PCDHGB4: variants seen among roughly 807,000 people sequenced by gnomAD.
The protein encoded by PCDHGB4 is protocadherin gamma-B4.
Under a neutral mutation model 60.5 loss-of-function variants are expected in PCDHGB4, and 38 were observed. The observed-to-expected ratio is 0.63, with a 90% CI of 0.48 to 0.82. The LOEUF is 0.82. Ranked by LOEUF, PCDHGB4 falls within the 40% of genes least tolerant of loss-of-function variation. PCDHGB4 has a pLI of 0.00. For synonymous variants in PCDHGB4, 456 were observed against 509.7 expected (o/e 0.89, Z 1.42); for missense variants, 1,109 against 1,209.6 (o/e 0.92, Z 1.23).
In PCDHGB4 at chr5:141,485,178, T is replaced by A; in HGVS notation, c.2398-9629T>A. The stretch of plus-strand genomic sequence containing the variant: ...GAGAATTAGCGGGCGGCAGCAATGC[T>A]CCGCAAGGTGAGAAGCTGGACAGAA... On this transcript the variant is annotated intron_variant, in intron 1 of 3. Transcript: ENST00000519479. This position sits in a 1 kb window ranked among gnomAD's most constrained non-coding sequence, Gnocchi z 5.7. 1.2e-6 allele frequency: 2 copies of A among 1,612,400 alleles called. No homozygotes were observed. Among genetic ancestry groups the A allele is most frequent in the Non-Finnish European group, 1.7e-6 (2 of 1,178,628 alleles).
chr5:141,440,693 C>T (rs2098194597), intron 1 of PCDHGB4: 1 of 152,136 alleles, frequency 6.6e-6, no homozygotes, highest in Non-Finnish European at 1.5e-5. Context: ...GTAAAAGTGA[C>T]CAACAGTGGA....
At position 141,486,996 on chromosome 5, in the gene PCDHGB4, A is replaced by G; in HGVS notation, c.2398-7811A>G. ...TCAGGTTACAATGCTTGGGTTTCCT[A>G]TCAGCTCCTGGAGGCCCCAGATCCC... On this transcript the variant is annotated intron_variant, in intron 1 of 3. Coordinates refer to ENST00000519479, the MANE Select transcript of PCDHGB4 (RefSeq NM_003736.4). This position sits in a 1 kb window ranked among gnomAD's most constrained non-coding sequence, Gnocchi z 5.0. 6.2e-7 allele frequency: 1 copy of G among 1,614,152 alleles called. No individual in the cohort carries two copies. Among genetic ancestry groups the G allele is most frequent in the Non-Finnish European group, 8.5e-7 (1 of 1,180,032 alleles).
In PCDHGB4 at chr5:141,477,211, C is replaced by T. The variant is rs1282763530; in HGVS notation, c.2398-17596C>T. On this transcript the variant is annotated intron_variant, in intron 1 of 3. Coordinates refer to ENST00000519479, the MANE Select transcript of PCDHGB4 (RefSeq NM_003736.4). The surrounding 1 kb of genome is among the most constrained non-coding windows in gnomAD (Gnocchi z 4.9). ...TGTACAGCCCAGTACCCGAGGATGC[C>T]CCTCTGGGGACTGTCATCGCTTTGC... 2 of 1,614,154 alleles carry T rather than the reference C, an allele frequency of 1.2e-6. No individual in the cohort carries two copies. Among genetic ancestry groups the T allele is most frequent in the East Asian group, 4.5e-5 (2 of 44,870 alleles).
At chr5:141,400,065 A>G (rs1012484805) in intron 1 of PCDHGB4, 3 of 1,613,758 alleles carry the variant, frequency 1.9e-6, no homozygotes, top group African/African-American at 1.3e-5. Flanking sequence ...GTGATGGTGG[A>G]CAGCCGCCAC....
At chr5:141,395,205 C>T (rs770683946) in intron 1 of PCDHGB4, 2 of 1,613,660 alleles carry the variant, frequency 1.2e-6, no homozygotes, top group Non-Finnish European at 1.7e-6. Flanking sequence ...CGTAGATTTT[C>T]ATGAATATAA....
At position 141,423,722 on chromosome 5, in the gene PCDHGB4, G is replaced by A. The variant is rs541297269; in HGVS notation, c.2397+33441G>A. Reference sequence around the variant, plus strand: ...CTTGGCACAAGTCTTTTAAGGAGATGTTTTTTGAGCCTGTTATGAAAACTG... The same window carrying A: ...CTTGGCACAAGTCTTTTAAGGAGATATTTTTTGAGCCTGTTATGAAAACTG... On this transcript the variant is annotated intron_variant, in intron 1 of 3. Coordinates refer to ENST00000519479, the MANE Select transcript of PCDHGB4 (RefSeq NM_003736.4). 5 of 954,184 alleles carry A rather than the reference G, an allele frequency of 5.2e-6. No individual in the cohort carries two copies. In the African/African-American group the frequency reaches 6.3e-5, roughly 12 times the overall value. The allele number at this position is 954,184 out of a possible 1,614,324, so 59.1% of individuals were successfully genotyped here.
At chr5:141,472,745 G>A (rs931198460) in intron 1 of PCDHGB4, among the ~76,000 whole-genome samples, 4 of 152,038 alleles carry the variant, frequency 2.6e-5, no homozygotes, top group African/African-American at 9.7e-5. Flanking sequence ...CAGCACTTTG[G>A]GAGGCGGAGG....
intron 1 of PCDHGB4, chr5:141,398,705 A>G (rs778909536): frequency 6.2e-7 from 1 of 1,613,874 alleles, no homozygotes; most frequent in Admixed American, 1.7e-5. Flanking sequence ...AAATACCCGG[A>G]ACTGGCACTG....
At position 141,431,389 on chromosome 5, in the gene PCDHGB4, G is replaced by A; in HGVS notation, c.2397+41108G>A. 2 of 1,613,876 alleles carry A rather than the reference G, an allele frequency of 1.2e-6. No individual in the cohort carries two copies. The highest frequency in any genetic ancestry group is 1.7e-6 in the Non-Finnish European group (2 of 1,180,040). ...GCGAAGAAAAGGCTGCTCACCACCT[G>A]GTCCTTACGGCCTCCGACGGGGGCG... On this transcript the variant is annotated intron_variant, in intron 1 of 3. Coordinates refer to ENST00000519479, the MANE Select transcript of PCDHGB4 (RefSeq NM_003736.4). This position sits in a 1 kb window ranked among gnomAD's most constrained non-coding sequence, Gnocchi z 4.8.
chr5:141,489,293 T>G lies in PCDHGB4; in HGVS notation c.2398-5514T>G. The G allele has an allele frequency of 6.3e-7, 1 of 1,579,940 alleles. No homozygotes were observed. Among genetic ancestry groups the G allele is most frequent in the Non-Finnish European group, 8.6e-7 (1 of 1,162,928 alleles). ...GCTGGGAAATGGCAAGTGCTGTGCA[T>G]GTTGTCCTTGTGCTGCTGGGGCTGG... On this transcript the variant is annotated intron_variant, in intron 1 of 3. Transcript: ENST00000519479. This position sits in a 1 kb window ranked among gnomAD's most constrained non-coding sequence, Gnocchi z 4.5.
chr5:141,439,667 C>T (rs149776177), intron 1 of PCDHGB4, among the ~76,000 whole-genome samples: 2,012 of 152,292 alleles, frequency 0.013, 16 homozygotes, highest in Middle Eastern at 0.034. Context: ...TCATGGAATG[C>T]AAATCCAAGA....
chr5:141,447,168 T>C (rs1027377060), intron 1 of PCDHGB4, among the ~76,000 whole-genome samples: 2 of 152,174 alleles, frequency 1.3e-5, no homozygotes, highest in Non-Finnish European at 2.9e-5. Context: ...AAGCGGGGTC[T>C]TGCTCTTGTC....
At chr5:141,420,625 T>C (rs1440415745) in intron 1 of PCDHGB4, among the ~76,000 whole-genome samples, 1 of 152,242 alleles carries the variant, frequency 6.6e-6, no homozygotes, top group Non-Finnish European at 1.5e-5. Flanking sequence ...CTTCATTTAC[T>C]CAATAAAGGA....
chr5:141,498,625 T>C (rs1327552423), intron 2 of PCDHGB4, among the ~76,000 whole-genome samples: 1 of 152,176 alleles, frequency 6.6e-6, no homozygotes, highest in Non-Finnish European at 1.5e-5. Context: ...TGGGTCACAC[T>C]GCCTAGACAG....
intron 1 of PCDHGB4, chr5:141,404,402 A>T: frequency 6.2e-7 from 1 of 1,613,850 alleles, no homozygotes; most frequent in Non-Finnish European, 8.5e-7. Context: ...TAGCAATGAG[A>T]ATTCTAGAGT....
intron 1 of PCDHGB4, among the ~76,000 whole-genome samples, chr5:141,482,079 C>A (rs2099551704): frequency 8.4e-6 from 1 of 119,308 alleles, no homozygotes; most frequent in African/African-American, 3.8e-5. Context: ...GAACAAAACT[C>A]ACTCCATCTC....
chr5:141,490,517 C>T lies in PCDHGB4; in HGVS notation c.2398-4290C>T. 6.2e-7 allele frequency: 1 copy of T among 1,613,972 alleles called. No homozygotes were observed. The highest frequency in any genetic ancestry group is 2.2e-5 in the East Asian group (1 of 44,854). ...TCCCACTATATCATCGAGCTGCTGG[C>T]CAGCGATGCTGGTTCACCTTCCCTA... On this transcript the variant is annotated intron_variant, in intron 1 of 3. Coordinates refer to ENST00000519479, the MANE Select transcript of PCDHGB4 (RefSeq NM_003736.4). The surrounding 1 kb of genome is among the most constrained non-coding windows in gnomAD (Gnocchi z 5.4).
At chr5:141,445,575 G>A (rs571896159) in intron 1 of PCDHGB4, among the ~76,000 whole-genome samples, 18 of 152,262 alleles carry the variant, frequency 1.2e-4, no homozygotes, top group African/African-American at 4.3e-4. Flanking sequence ...CTTATAGTAG[G>A]GAAGCTTCGC....
chr5:141,398,962 T>A lies in PCDHGB4; in HGVS notation c.2397+8681T>A, dbSNP rs568248356. ...CGAGGGCATCAACTCAGAAATTACT[T>A]ATTCCTTCTACAGAACCGGGCAAAT... On this transcript the variant is annotated intron_variant, in intron 1 of 3. Coordinates refer to ENST00000519479, the MANE Select transcript of PCDHGB4 (RefSeq NM_003736.4). The A allele has an allele frequency of 2.6e-5, 42 of 1,613,934 alleles. No individual in the cohort carries two copies. Among genetic ancestry groups the A allele is most frequent in the Middle Eastern group, 3.3e-4 (2 of 6,062 alleles).
Sources: gnomAD v4.1 joint callset for allele counts (sites outside exome capture counted in the v4.1 genomes callset) on GRCh38, gnomAD v4.1.1 for gene constraint, Gnocchi (gnomAD v3.1) non-coding constraint, MANE v1.5 for transcripts, NCBI Gene and HGNC (gene_info 2026-07-23, HGNC 2026-07-21) for gene names.